ATP7A: variants seen among roughly 807,000 people sequenced by gnomAD.
The protein encoded by ATP7A is copper-transporting ATPase 1.
In ATP7A, 7 loss-of-function variants were observed where a neutral mutation model predicts 83.5. The ratio of observed to expected loss-of-function variants is 0.08; its 90% confidence interval spans 0.05 to 0.16. ATP7A has a LOEUF of 0.16. Among genes scored for constraint, ATP7A ranks in the 10% least tolerant of loss-of-function variants. The pLI is 1.00. For synonymous variants in ATP7A, 354 were observed against 395.2 expected (o/e 0.90, Z 1.24); for missense variants, 940 against 1,120.8 (o/e 0.84, Z 2.30).
intron 1 of ATP7A, chrX:77,969,612 G>T: frequency 1.1e-5 from 13 of 1,211,989 alleles, no homozygotes; most frequent in Non-Finnish European, 1.5e-5. Context: ...CGCCGTGCCG[G>T]ATCAGCACCA....
intron 18 of ATP7A, among the ~76,000 whole-genome samples, chrX:78,039,419 G>A (rs1427641737): frequency 1.8e-5 from 2 of 110,798 alleles, no homozygotes; most frequent in East Asian, 2.8e-4. Context: ...TGCAACCTCC[G>A]CCTCCTGGGT....
chrX:78,044,890 C>G (rs907539712), intron 21 of ATP7A, among the ~76,000 whole-genome samples: 2 of 111,499 alleles, frequency 1.8e-5, no homozygotes, highest in Non-Finnish European at 3.8e-5. Flanking sequence ...CAAGGACACA[C>G]AAATACTGAG....
chrX:77,931,615 C>T (rs1477565143), intron 1 of ATP7A, among the ~76,000 whole-genome samples: 1 of 109,235 alleles, frequency 9.2e-6, no homozygotes. Context: ...CCTCACCTCC[C>T]GGACGGGGCG....
rs146052682 is a variant in ATP7A at position 78,046,372 on chromosome X, C to T, written c.4305C>T (p.Ser1435=). The change falls in exon 23 of 23, where the codon AGC becomes AGT. Residue 1435 remains serine, a synonymous_variant. Coordinates refer to ENST00000341514, the MANE Select transcript of ATP7A (RefSeq NM_000052.7). ...GACAGAAGAGTCCTTCAGAAATCAG[C>T]GTTCATGTTGGAATAGATGATACCT... ...QIGQKSPSEI[S]VHVGIDDTSR... is the part of the protein sequence containing the mutation. 8 of 1,209,157 alleles carry T rather than the reference C, an allele frequency of 6.6e-6. No homozygotes were observed. The African/African-American group carries it at 8.7e-5, about 13-fold the overall frequency.
chrX:77,958,059 G>GT (rs782217709), intron 1 of ATP7A, among the ~76,000 whole-genome samples: 58 of 109,992 alleles, frequency 5.3e-4, no homozygotes, highest in African/African-American at 1.9e-3. Context: ...ATGGTGGGGG[G>GT]TTTTTTTTGT....
In ATP7A at chrX:78,046,673, C is replaced by T; in HGVS notation, c.*103C>T. The T allele has an allele frequency of 9.5e-7, 1 of 1,054,079 alleles. No homozygotes were observed. Among genetic ancestry groups the T allele is most frequent in the Non-Finnish European group, 1.3e-6 (1 of 761,657 alleles). 86.9% of individuals were successfully genotyped at this position (1,054,079 alleles called of 1,213,427 possible). ...ATATTGTAGAAGGATTTTTCTCATG[C>T]TCTTATATTAGGGATTCTATTTGAG... On this transcript the variant is annotated 3_prime_UTR_variant, in exon 23 of 23. Coordinates refer to ENST00000341514, the MANE Select transcript of ATP7A (RefSeq NM_000052.7).
intron 1 of ATP7A, among the ~76,000 whole-genome samples, chrX:77,951,013 T>G (rs1005009877): frequency 7.2e-5 from 8 of 111,066 alleles, no homozygotes; most frequent in Non-Finnish European, 1.3e-4. Context: ...AGAGTGAGAC[T>G]CTGTCTCAAA....
chrX:77,916,370 A>AG (rs2149039434), intron 1 of ATP7A, among the ~76,000 whole-genome samples: 1 of 108,833 alleles, frequency 9.2e-6, no homozygotes, highest in African/African-American at 3.3e-5. Flanking sequence ...AAAAAAAAAA[A>AG]AGAAAAAAAA....
chrX:77,943,221 T>A (rs1178487082), intron 1 of ATP7A, among the ~76,000 whole-genome samples: 1 of 112,674 alleles, frequency 8.9e-6, no homozygotes, highest in African/African-American at 3.2e-5. Context: ...TTTGATTCTC[T>A]TATAAATTTA....
chrX:77,932,729 C>T (rs923427851), intron 1 of ATP7A, among the ~76,000 whole-genome samples: 1 of 112,785 alleles, frequency 8.9e-6, no homozygotes, highest in African/African-American at 3.2e-5. Flanking sequence ...ACAGCGAAAC[C>T]CCGTCTCCAC....
Position 78,015,227 on chromosome X carries a change from A to G in ATP7A, c.2498+474A>G, listed in dbSNP as rs949255303. Among the ~76,000 whole-genome samples the G allele has an allele frequency of 1.6e-4, 18 of 111,325 alleles. No homozygotes were observed. The Admixed American group carries it at 1.7e-3, about 11-fold the overall frequency. On this transcript the variant is annotated intron_variant, in intron 11 of 22. Transcript: ENST00000341514. ...AACAGCGCCTCTCTTCTTTCTCCTCATTGTCCTTCCTTCCCTCCTCCCCAC... is the reference window on the plus strand; with the variant it reads ...AACAGCGCCTCTCTTCTTTCTCCTCGTTGTCCTTCCTTCCCTCCTCCCCAC...
intron 14 of ATP7A, among the ~76,000 whole-genome samples, chrX:78,022,446 G>A (rs1557235885): frequency 1.8e-5 from 2 of 110,412 alleles, no homozygotes; most frequent in Non-Finnish European, 3.8e-5. Context: ...TTACTTTGTT[G>A]TATTTATTTA....
At chrX:77,985,605 C>T in intron 2 of ATP7A, among the ~76,000 whole-genome samples, 1 of 110,320 alleles carries the variant, frequency 9.1e-6, no homozygotes, top group Non-Finnish European at 1.9e-5. Flanking sequence ...TGAAATGTGG[C>T]TAGTGCAACC....
intron 1 of ATP7A, among the ~76,000 whole-genome samples, chrX:77,912,361 T>C (rs782660145): frequency 8.9e-6 from 1 of 111,736 alleles, no homozygotes; most frequent in African/African-American, 3.3e-5. Flanking sequence ...GACTGATAGA[T>C]AGAAGAAATA....
intron 1 of ATP7A, among the ~76,000 whole-genome samples, chrX:77,932,953 C>G (rs2077298034): frequency 9.1e-6 from 1 of 109,889 alleles, no homozygotes; most frequent in African/African-American, 3.3e-5. Flanking sequence ...AGGGAGAGAG[C>G]AGGAACATTC....
chrX:77,931,895 C>T (rs1466097785), intron 1 of ATP7A, among the ~76,000 whole-genome samples: 4 of 95,441 alleles, frequency 4.2e-5, no homozygotes, highest in African/African-American at 1.6e-4. Flanking sequence ...GTAGGGGCGG[C>T]CGGGCAGAGG....
At chrX:78,013,330 A>T (rs1557234792) in intron 10 of ATP7A, among the ~76,000 whole-genome samples, 1 of 112,074 alleles carries the variant, frequency 8.9e-6, no homozygotes, top group African/African-American at 3.2e-5. Context: ...TGTTTATTTT[A>T]AGAGAGACAA....
At chrX:78,021,123 G>T (rs782590614) in intron 14 of ATP7A, 44 bp downstream of exon 14, 5 of 1,152,697 alleles carry the variant, frequency 4.3e-6, no homozygotes, top group Admixed American at 2.2e-5. Flanking sequence ...AGAACAATTT[G>T]TGAGTCTTTT....
At chrX:77,979,627 T>C (rs2077594189) in intron 2 of ATP7A, among the ~76,000 whole-genome samples, 1 of 111,911 alleles carries the variant, frequency 8.9e-6, no homozygotes, top group Admixed American at 9.5e-5. Context: ...GGGAGAAGAG[T>C]GTTTCAACTA....
Sources: allele counts gnomAD v4.1 joint callset (sites outside exome capture counted in the v4.1 genomes callset), GRCh38; gene constraint gnomAD v4.1.1; transcripts MANE v1.5; gene names NCBI Gene and HGNC (gene_info 2026-07-23, HGNC 2026-07-21).